The following KLHL13 variants were observed in gnomAD, a reference collection of about 807,000 sequenced individuals.
KLHL13 encodes kelch like family member 13, also known as kelch-like protein 13.
In KLHL13, 10 loss-of-function variants were observed where a neutral mutation model predicts 37.1. The ratio of observed to expected loss-of-function variants is 0.27; its 90% CI spans 0.17 to 0.46. The LOEUF is 0.46. Among genes scored for constraint, KLHL13 ranks in the 20% least tolerant of loss-of-function variants. The probability of loss-of-function intolerance (pLI) is 1.00; values close to 1 mark genes in which losing one functional copy is unlikely to be tolerated. For synonymous variants in KLHL13, 163 were observed against 181.2 expected (o/e 0.90, Z 0.81); for missense variants, 360 against 509.3 (o/e 0.71, Z 2.82).
exon 4 of KLHL13, chrX:117,919,697 A>C (rs1931585618): frequency 3.3e-6 from 4 of 1,196,371 alleles, no homozygotes; most frequent in Non-Finnish European, 3.4e-6. Context: ...ATGCACATTA[A>C]ATCTTGTTCT....
chrX:118,057,779 T>C (rs1381585991), intron 1 of KLHL13, among the ~76,000 whole-genome samples: 1 of 110,462 alleles, frequency 9.1e-6, no homozygotes, highest in Non-Finnish European at 1.9e-5. Context: ...TGAGCCAAGA[T>C]TGTGCCACTG....
chrX:117,898,031 G>A (rs1012181841), exon 7 of KLHL13: 12 of 111,654 alleles, frequency 1.1e-4, no homozygotes, highest in African/African-American at 3.9e-4. Flanking sequence ...GACAAATTTT[G>A]TTGCTCAAAA....
rs12843531 is a variant in KLHL13 at position 118,094,869 on chromosome X, C to A, written c.-56+21639G>T. ...AGATTTTGTCACCACCAGGCCTGCC[C>A]TAAAAGAGCTCCTGAAGGAAGCACT... On this transcript the variant is annotated intron_variant, in intron 1 of 6. Coordinates refer to the KLHL13 transcript ENST00000371882. Among the ~76,000 whole-genome samples the A allele has an allele frequency of 5.1e-3, 569 of 111,121 alleles. 6 individuals are homozygous for A. The highest frequency in any genetic ancestry group is 0.017 in the African/African-American group (520 of 30,515).
At chrX:117,913,058 T>C (rs1416923182) in intron 4 of KLHL13, among the ~76,000 whole-genome samples, 2 of 111,866 alleles carry the variant, frequency 1.8e-5, no homozygotes, top group African/African-American at 6.5e-5. Context: ...TAAAAATTAA[T>C]CATAGAATAT....
At chrX:117,923,900 C>A (rs1263247258) in intron 2 of KLHL13, among the ~76,000 whole-genome samples, 1 of 111,195 alleles carries the variant, frequency 9.0e-6, no homozygotes, top group Non-Finnish European at 1.9e-5. Context: ...ATCTGGTGTC[C>A]CAAAAGAAAA....
intron 2 of KLHL13, among the ~76,000 whole-genome samples, chrX:117,926,011 A>C (rs1452179806): frequency 8.9e-6 from 1 of 111,771 alleles, no homozygotes; most frequent in Non-Finnish European, 1.9e-5. Context: ...TTGTAAAGCT[A>C]TCTCTCACAC....
chrX:118,080,295 CT>C (rs1027713901), intron 1 of KLHL13, among the ~76,000 whole-genome samples: 36 of 111,530 alleles, frequency 3.2e-4, no homozygotes, highest in African/African-American at 1.2e-3. Flanking sequence ...AACTAAAGAG[CT>C]TCTGCACAGC....
intron 1 of KLHL13, among the ~76,000 whole-genome samples, chrX:118,068,281 G>A (rs190339807): frequency 3.2e-4 from 36 of 111,573 alleles, no homozygotes; most frequent in African/African-American, 1.0e-3. Context: ...GAAGATGGCC[G>A]ACTAGAAGCC....
At chrX:117,927,189 C>T (rs774047183) in intron 2 of KLHL13, among the ~76,000 whole-genome samples, 69 of 110,618 alleles carry the variant, frequency 6.2e-4, no homozygotes, top group African/African-American at 2.2e-3. Context: ...CCTGAGCTAC[C>T]GCGCCCGGCC....
At chrX:117,902,878 A>G (rs1930189193) in intron 5 of KLHL13, among the ~76,000 whole-genome samples, 1 of 110,969 alleles carries the variant, frequency 9.0e-6, no homozygotes, top group Non-Finnish European at 1.9e-5. Flanking sequence ...TTTTTAAACT[A>G]ACAGAACCAC....
In KLHL13 at chrX:118,013,567, G is replaced by A. The variant is rs146320017; in HGVS notation, c.-55-67992C>T. Among the ~76,000 whole-genome samples the A allele has an allele frequency of 3.7e-3, 417 of 112,031 alleles. 5 individuals are homozygous for A. The highest frequency in any genetic ancestry group is 0.013 in the African/African-American group (403 of 30,923). On this transcript the variant is annotated intron_variant, in intron 1 of 6. Transcript: ENST00000371882. ...TAAGATGAGGAAAGATATAAATTAC[G>A]TTGGTCGAGGAAACTAAAGGAAACT...
intron 2 of KLHL13, among the ~76,000 whole-genome samples, chrX:117,928,543 A>G (rs1258539554): frequency 8.9e-6 from 1 of 112,165 alleles, no homozygotes; most frequent in African/African-American, 3.2e-5. Flanking sequence ...ATTAGAAATC[A>G]AAAATAGAAA....
intron 1 of KLHL13, among the ~76,000 whole-genome samples, chrX:118,108,869 T>C (rs1490842163): frequency 1.8e-5 from 2 of 111,594 alleles, no homozygotes; most frequent in Middle Eastern, 9.2e-3. Flanking sequence ...AGCAGTGGTG[T>C]GATTGTAGCC....
At chrX:117,916,970 T>A (rs1171609460) in intron 4 of KLHL13, among the ~76,000 whole-genome samples, 1 of 112,041 alleles carries the variant, frequency 8.9e-6, no homozygotes, top group Non-Finnish European at 1.9e-5. Context: ...TATCTTGAGA[T>A]GTTCAGTTTT....
chrX:117,933,302 A>G (rs1443660914), intron 2 of KLHL13, among the ~76,000 whole-genome samples: 1 of 111,589 alleles, frequency 9.0e-6, no homozygotes, highest in East Asian at 2.8e-4. Flanking sequence ...TGATTCTGGC[A>G]TAAAAACAGA....
chrX:118,094,261 G>A (rs187200555), intron 1 of KLHL13, among the ~76,000 whole-genome samples: 2 of 111,330 alleles, frequency 1.8e-5, no homozygotes, highest in Non-Finnish European at 3.8e-5. Flanking sequence ...CTCAGTAGCC[G>A]ATGCGATCAA....
At chrX:117,966,142 A>G (rs934287645) in intron 1 of KLHL13, among the ~76,000 whole-genome samples, 4 of 111,905 alleles carry the variant, frequency 3.6e-5, no homozygotes, top group African/African-American at 1.3e-4. Flanking sequence ...ACATGATTGT[A>G]TATCTAGAAA....
At chrX:118,084,671 T>G (rs1211433724) in intron 1 of KLHL13, among the ~76,000 whole-genome samples, 1 of 111,620 alleles carries the variant, frequency 9.0e-6, no homozygotes, top group African/African-American at 3.3e-5. Context: ...TGTCTCTATG[T>G]AGGAGACTAT....
intron 5 of KLHL13, among the ~76,000 whole-genome samples, chrX:117,908,193 T>C (rs1930687729): frequency 9.2e-6 from 1 of 108,842 alleles, no homozygotes; most frequent in African/African-American, 3.3e-5. Flanking sequence ...TCTTTCTTTC[T>C]TTCTTCCTTT....
Sources: allele counts gnomAD v4.1 joint callset (sites outside exome capture counted in the v4.1 genomes callset), GRCh38; gene constraint gnomAD v4.1.1; transcripts MANE v1.5; gene names NCBI Gene and HGNC (gene_info 2026-07-23, HGNC 2026-07-21).